The following DOK6 variants were observed in gnomAD, a reference collection of about 807,000 sequenced individuals.
DOK6 encodes downstream of tyrosine kinase 6.
DOK6 carries 22 observed loss-of-function variants against 44.0 expected under a neutral mutation model. The ratio of observed to expected loss-of-function variants is 0.50; its 90% CI spans 0.36 to 0.71. DOK6 has a LOEUF of 0.71. Ranked by LOEUF, DOK6 falls within the 30% of genes least tolerant of loss-of-function variation. The pLI is 0.00. For missense variants in DOK6, 340 were observed against 416.4 expected (o/e 0.82, Z 1.60); for synonymous variants, 166 against 145.5 (o/e 1.14, Z -1.01).
intron 5 of DOK6, among the ~76,000 whole-genome samples, chr18:69,710,448 A>G (rs1029248757): frequency 4.6e-5 from 7 of 152,254 alleles, no homozygotes; most frequent in African/African-American, 1.2e-4. Context: ...CAAACCTCAC[A>G]GTGCTGCAAA....
chr18:69,435,839 C>T (rs1254970345), intron 1 of DOK6, among the ~76,000 whole-genome samples: 1 of 151,972 alleles, frequency 6.6e-6, no homozygotes, highest in Non-Finnish European at 1.5e-5. Context: ...GTTTTTATCC[C>T]TTTAAAATGT....
intron 7 of DOK6, among the ~76,000 whole-genome samples, chr18:69,838,986 A>C (rs1982131018): frequency 7.0e-6 from 1 of 141,974 alleles, no homozygotes; most frequent in African/African-American, 2.7e-5. Flanking sequence ...TCACCCCTAG[A>C]TTCTCCCCTA....
intron 1 of DOK6, among the ~76,000 whole-genome samples, chr18:69,546,829 C>A (rs762806648): frequency 2.0e-5 from 3 of 151,490 alleles, no homozygotes; most frequent in Non-Finnish European, 4.4e-5. Context: ...TCTCTTCTAG[C>A]TGTTTTGAAC....
At chr18:69,463,613 G>T (rs1321193628) in intron 1 of DOK6, among the ~76,000 whole-genome samples, 5 of 151,090 alleles carry the variant, frequency 3.3e-5, no homozygotes, top group Admixed American at 1.3e-4. Flanking sequence ...CAGTTCTATT[G>T]GCTACAAGAC....
intron 5 of DOK6, among the ~76,000 whole-genome samples, chr18:69,716,909 A>G (rs986673256): frequency 2.0e-5 from 3 of 152,104 alleles, no homozygotes; most frequent in Non-Finnish European, 1.5e-5. Flanking sequence ...TTCTATCCCT[A>G]TAGTCTTGCT....
At chr18:69,523,445 T>G (rs1227347285) in intron 1 of DOK6, among the ~76,000 whole-genome samples, 1 of 152,040 alleles carries the variant, frequency 6.6e-6, no homozygotes, top group African/African-American at 2.4e-5. Flanking sequence ...TACTTCAGAT[T>G]GAAAATAATT....
At chr18:69,432,951 A>C (rs1978848898) in intron 1 of DOK6, among the ~76,000 whole-genome samples, 2 of 152,224 alleles carry the variant, frequency 1.3e-5, no homozygotes, top group Admixed American at 1.3e-4. Flanking sequence ...CCATGTTAAT[A>C]AATCAAGGCT....
At chr18:69,632,744 A>G (rs893930587) in intron 3 of DOK6, among the ~76,000 whole-genome samples, 2 of 152,256 alleles carry the variant, frequency 1.3e-5, no homozygotes, top group Non-Finnish European at 2.9e-5. Context: ...ATTGATTTAT[A>G]TCTGCATACA....
intron 3 of DOK6, among the ~76,000 whole-genome samples, chr18:69,617,993 AAGAG>A (rs1378431164): frequency 1.3e-5 from 2 of 152,272 alleles, no homozygotes; most frequent in South Asian, 4.2e-4. Context: ...TTTGAGACAA[AAGAG>A]AGAAAGATTT....
intron 7 of DOK6, among the ~76,000 whole-genome samples, chr18:69,825,341 T>C (rs1041351591): frequency 3.9e-5 from 6 of 151,934 alleles, no homozygotes; most frequent in Non-Finnish European, 5.9e-5. Context: ...GAGCACAGAG[T>C]GAATTTAGGA....
intron 7 of DOK6, among the ~76,000 whole-genome samples, chr18:69,793,490 C>G (rs1444423270): frequency 6.6e-6 from 1 of 152,150 alleles, no homozygotes; most frequent in Non-Finnish European, 1.5e-5. Context: ...CCACACAACT[C>G]CAGTGCCACT....
chr18:69,430,055 C>T (rs1242546147), intron 1 of DOK6, among the ~76,000 whole-genome samples: 1 of 152,064 alleles, frequency 6.6e-6, no homozygotes, highest in Non-Finnish European at 1.5e-5. Context: ...CATTTTACAT[C>T]ATTGATCTTC....
chr18:69,629,092 A>T (rs1225988441), intron 3 of DOK6, among the ~76,000 whole-genome samples: 2 of 152,210 alleles, frequency 1.3e-5, no homozygotes, highest in Non-Finnish European at 2.9e-5. Context: ...AGCCCATCAG[A>T]GGGAATGTTG....
At chr18:69,819,219 T>C (rs899522787) in intron 7 of DOK6, among the ~76,000 whole-genome samples, 3 of 152,162 alleles carry the variant, frequency 2.0e-5, no homozygotes, top group Admixed American at 1.3e-4. Flanking sequence ...AGTATCTTAA[T>C]CATAGGATAG....
intron 1 of DOK6, among the ~76,000 whole-genome samples, chr18:69,441,603 G>T (rs978133072): frequency 1.3e-5 from 2 of 152,062 alleles, no homozygotes; most frequent in African/African-American, 4.8e-5. Flanking sequence ...CATTTACAAG[G>T]TATTTCCAAA....
At chr18:69,416,544 G>A (rs1214390427) in intron 1 of DOK6, among the ~76,000 whole-genome samples, 1 of 151,944 alleles carries the variant, frequency 6.6e-6, no homozygotes, top group East Asian at 1.9e-4. Context: ...TAGAAATGCA[G>A]CAGAAAGTGG....
intron 3 of DOK6, among the ~76,000 whole-genome samples, chr18:69,641,959 C>A (rs1437184539): frequency 6.6e-6 from 1 of 152,160 alleles, no homozygotes; most frequent in East Asian, 1.9e-4. Flanking sequence ...ATTTTTATTT[C>A]ATTAGGGGCA....
At chr18:69,691,184 A>T (rs984133375) in intron 4 of DOK6, among the ~76,000 whole-genome samples, 6 of 140,450 alleles carry the variant, frequency 4.3e-5, no homozygotes, top group Middle Eastern at 3.6e-3. Flanking sequence ...ACTCTGTCTC[A>T]AAATAAATAA....
At chr18:69,539,243 G>A (rs551111830) in intron 1 of DOK6, among the ~76,000 whole-genome samples, 24 of 152,084 alleles carry the variant, frequency 1.6e-4, no homozygotes, top group South Asian at 1.5e-3. Flanking sequence ...TTAATCTGTC[G>A]TTCATCAAAT....
Sources: gnomAD v4.1 joint callset for allele counts (sites outside exome capture counted in the v4.1 genomes callset) on GRCh38, gnomAD v4.1.1 for gene constraint, MANE v1.5 for transcripts, NCBI Gene and HGNC (gene_info 2026-07-23, HGNC 2026-07-21) for gene names.